The following FLT1 variants were observed in gnomAD, a reference collection of about 807,000 sequenced individuals.
FLT1 encodes the protein fms related receptor tyrosine kinase 1, also known as vascular endothelial growth factor receptor 1.
A neutral mutation model predicts 156.3 loss-of-function variants in FLT1; 49 were observed. The ratio of observed to expected loss-of-function variants is 0.31; its 90% CI spans 0.25 to 0.40. The LOEUF (loss-of-function observed/expected upper bound fraction) is 0.40. Among genes scored for constraint, FLT1 ranks in the 10% least tolerant of loss-of-function variants. The pLI, the probability that FLT1 is intolerant of heterozygous loss-of-function variation, is 1.00. For missense variants in FLT1, 1,322 were observed against 1,637.2 expected, an observed-to-expected ratio of 0.81 and a Z score of 3.32; for synonymous variants, 594 against 583.8, an observed-to-expected ratio of 1.02 and a Z score of -0.25.
At chr13:28,470,503 G>A (rs979156306) in intron 1 of FLT1, among the ~76,000 whole-genome samples, 2 of 152,080 alleles carry the variant, frequency 1.3e-5, no homozygotes, top group South Asian at 2.1e-4. Flanking sequence ...GATGCTGAGC[G>A]CTCCCGTCCA....
rs899041371 is a variant in FLT1 at position 28,463,163 on chromosome 13, C to T, written c.388+3740G>A. 4.6e-5 allele frequency among the ~76,000 whole-genome samples: 7 copies of T among 152,094 alleles called. 1 individual carries two copies. The South Asian group carries it at 6.2e-4, about 14-fold the overall frequency. On this transcript the variant is annotated intron_variant, in intron 3 of 29. Transcript: ENST00000282397. ...GGAAATTTAAATTTACTAGATAATT[C>T]GGTAATTAAGTAAAGTAGTTAAATA...
chr13:28,463,051 G>T (rs1879674989), intron 3 of FLT1, among the ~76,000 whole-genome samples: 1 of 152,172 alleles, frequency 6.6e-6, no homozygotes, highest in Non-Finnish European at 1.5e-5. Flanking sequence ...TGCTTCATTG[G>T]ATGGTTGTGA....
Position 28,308,982 on chromosome 13 carries a change from G to A in FLT1, c.3636-55C>T, listed in dbSNP as rs1452304798. The A allele has an allele frequency of 1.1e-5, 11 of 1,010,214 alleles. No homozygotes were observed. The East Asian group carries it at 2.6e-4, about 24-fold the overall frequency. The allele number at this position is 1,010,214 out of a possible 1,614,324, so 62.6% of individuals were successfully genotyped here. The stretch of plus-strand genomic sequence containing the variant: ...ACAGGAAAAGGCATCCAGCTCTAAT[G>A]AGTCAGGAGACCACAGGCACCATAT... On this transcript the variant is annotated intron_variant, in intron 27 of 29. Transcript: ENST00000282397.
Position 28,301,936 on chromosome 13 carries a change from C to T in FLT1, c.*1231G>A, listed in dbSNP as rs573980980. On this transcript the variant is annotated 3_prime_UTR_variant, in exon 30 of 30. Transcript: ENST00000282397. ...GGAGCTTAAAGTGCTTAATATGCGC[C>T]AGCTAATGCTCTTCCACATCCTTTC... is the stretch of plus-strand genomic sequence containing the variant. 2 of 233,618 alleles carry T rather than the reference C, an allele frequency of 8.6e-6. No individual in the cohort carries two copies. The highest frequency in any genetic ancestry group is 4.4e-5 in the African/African-American group (2 of 45,472). The allele number at this position is 233,618 out of a possible 1,614,324, so 14.5% of individuals were successfully genotyped here. A position where few individuals can be genotyped will look rare whatever the true frequency, so the allele number is the denominator to read the frequency against.
intron 1 of FLT1, among the ~76,000 whole-genome samples, chr13:28,485,498 G>A (rs1349536859): frequency 1.3e-5 from 2 of 151,982 alleles, no homozygotes; most frequent in Middle Eastern, 3.4e-3. Context: ...TGTTTAGAAG[G>A]GTCAAGACAT....
At chr13:28,399,378 G>A (rs1875283672) in intron 11 of FLT1, among the ~76,000 whole-genome samples, 1 of 152,126 alleles carries the variant, frequency 6.6e-6, no homozygotes. Context: ...ACCCATTTCT[G>A]TTGGCTTGGG....
At chr13:28,389,493 C>T (rs1874566593) in intron 13 of FLT1, 2 of 1,412,984 alleles carry the variant, frequency 1.4e-6, no homozygotes, top group Non-Finnish European at 1.8e-6. Flanking sequence ...CAGGGATCCT[C>T]CAAATCCAAA....
At chr13:28,336,809 G>A (rs1286372928) in intron 17 of FLT1, among the ~76,000 whole-genome samples, 8 of 148,158 alleles carry the variant, frequency 5.4e-5, no homozygotes, top group African/African-American at 1.0e-4. Context: ...GTGCCGTGGC[G>A]TGATCTTGGC....
At chr13:28,464,300 A>G (rs1018764135) in intron 3 of FLT1, among the ~76,000 whole-genome samples, 16 of 152,194 alleles carry the variant, frequency 1.1e-4, no homozygotes, top group African/African-American at 3.9e-4. Context: ...GTGTTTTATG[A>G]TATTGGAACT....
chr13:28,359,515 C>T (rs1227114075), intron 14 of FLT1, among the ~76,000 whole-genome samples: 4 of 152,188 alleles, frequency 2.6e-5, no homozygotes, highest in East Asian at 1.9e-4. Flanking sequence ...GCACAGGCAA[C>T]GAAAGCAAAA....
intron 14 of FLT1, among the ~76,000 whole-genome samples, chr13:28,362,908 TAAC>T (rs1182679588): frequency 1.3e-5 from 2 of 152,146 alleles, no homozygotes; most frequent in African/African-American, 4.8e-5. Flanking sequence ...TATTGTACTA[TAAC>T]AAATGACACA....
rs534500050 is a variant in FLT1, at chr13:28,373,329, A to G, written c.2116+11556T>C. ...AGTCTCCTTGGTAGCAGGAGATTAT[A>G]TAAAAATCAGGTTTATCATTTGAAT... On this transcript the variant is annotated intron_variant, in intron 14 of 29. Transcript: ENST00000282397. Among the ~76,000 whole-genome samples the G allele has an allele frequency of 1.4e-4, 22 of 152,330 alleles. 1 individual carries two copies. The South Asian group carries it at 4.6e-3, about 32-fold the overall frequency.
intron 10 of FLT1, among the ~76,000 whole-genome samples, chr13:28,412,329 C>CTTTCTTTCTTTCTTTTCTTTCTTTCT (rs775271915): frequency 0.018 from 1,596 of 88,944 alleles, 64 homozygotes; most frequent in Non-Finnish European, 0.026. Flanking sequence ...TTCTTTCTTT[C>CTTTCTTTCTTTCTTTTCTTTCTTTCT]TTTTCTTTCT....
intron 14 of FLT1, among the ~76,000 whole-genome samples, chr13:28,361,714 A>C (rs1479939150): frequency 1.3e-5 from 2 of 152,218 alleles, no homozygotes; most frequent in African/African-American, 4.8e-5. Context: ...AACTTTGCTG[A>C]TTTGATAGAT....
chr13:28,461,131 C>T (rs923357969), intron 3 of FLT1, among the ~76,000 whole-genome samples: 9 of 145,824 alleles, frequency 6.2e-5, no homozygotes, highest in Middle Eastern at 3.4e-3. Flanking sequence ...TGCCCCAGCT[C>T]CTAGCTTTTT....
chr13:28,433,951 A>G lies in FLT1; in HGVS notation c.681T>C (p.Asn227=), dbSNP rs1056763512. The G allele has an allele frequency of 6.2e-7, 1 of 1,614,062 alleles. No homozygotes were observed. Among genetic ancestry groups the G allele is most frequent in the African/African-American group, 1.3e-5 (1 of 74,928 alleles). The change falls in exon 6 of 30, where the codon AAT becomes AAC. Residue 227 remains asparagine, a synonymous_variant. Transcript: ENST00000282397. ...KTNYLTHRQT[N]TIIDVQISTP... ...TGCTTATTTGGACATCTATGATTGT[A>G]TTGGCTGCAAGCATAAGAGAGAAAT...
rs145095924 is a variant in FLT1 at position 28,432,106 on chromosome 13, G to A, written c.814-796C>T. On this transcript the variant is annotated intron_variant, in intron 6 of 29. Coordinates refer to ENST00000282397, the MANE Select transcript of FLT1 (RefSeq NM_002019.4). ...TTTGAGAAGACAAGATCACATTGCC[G>A]TCTCCTTTTTTTTTTAAGCACTATA... Among the ~76,000 whole-genome samples the A allele has an allele frequency of 4.6e-5, 7 of 151,926 alleles. No individual in the cohort carries two copies. In the South Asian group the frequency reaches 6.3e-4, roughly 14 times the overall value.
At position 28,344,792 on chromosome 13, in the gene FLT1, CTTTTTTTT is replaced by C. The variant is rs869199622; in HGVS notation, c.2355+645_2355+652del. On this transcript the variant is annotated intron_variant, in intron 16 of 29. Coordinates refer to ENST00000282397, the MANE Select transcript of FLT1 (RefSeq NM_002019.4). Reference sequence around the variant, plus strand: ...AGAGAAGTCAAAGGTGGGGCCTTTACTTTTTTTTTTTTTTTTTTTTTTTTTTTTTTTGA... The same window carrying C: ...AGAGAAGTCAAAGGTGGGGCCTTTACTTTTTTTTTTTTTTTTTTTTTTTGA... 5.7e-3 allele frequency among the ~76,000 whole-genome samples: 234 copies of C among 41,410 alleles called. 1 individual carries two copies. The highest frequency in any genetic ancestry group is 0.021 in the African/African-American group (227 of 10,582). 27.2% of individuals were successfully genotyped at this position (41,410 alleles called of 152,430 possible).
At position 28,433,926 on chromosome 13, in the gene FLT1, T is replaced by G; in HGVS notation, c.706A>C (p.Thr236Pro). 1 of 1,614,110 alleles carries G rather than the reference T, an allele frequency of 6.2e-7. No individual in the cohort carries two copies. Among genetic ancestry groups the G allele is most frequent in the Non-Finnish European group, 8.5e-7 (1 of 1,179,998 alleles). ...CTAAGTAATTTGACTGGGCGTGGTG[T>G]GCTTATTTGGACATCTATGATTGTA... ...TNTIIDVQIS[T>P]PRPVKLLRGH... is the part of the protein sequence containing the mutation. The change falls in exon 6 of 30, where the codon ACA becomes CCA. Residue 236 changes from threonine to proline, a missense_variant. This residue lies in a region of FLT1 where 991 missense variants were observed against 1,254.8 expected (regional missense o/e 0.79). Coordinates refer to ENST00000282397, the MANE Select transcript of FLT1 (RefSeq NM_002019.4).
Sources: gnomAD v4.1 joint callset for allele counts (sites outside exome capture counted in the v4.1 genomes callset) on GRCh38, gnomAD v4.1.1 for gene constraint, gnomAD v4.1.1 regional missense constraint, MANE v1.5 for transcripts, NCBI Gene and HGNC (gene_info 2026-07-23, HGNC 2026-07-21) for gene names.